Variants in RANBP2 observed in about 807,000 individuals in gnomAD.
RANBP2 encodes the protein RAN binding protein 2.
RANBP2 carries 57 observed loss-of-function variants against 303.6 expected under a neutral mutation model. The observed-to-expected ratio is 0.19, with a 90% confidence interval of 0.15 to 0.23. The LOEUF (loss-of-function observed/expected upper bound fraction) is 0.23. Ranked by LOEUF, RANBP2 falls within the 10% of genes least tolerant of loss-of-function variation. The pLI is 1.00. For synonymous variants in RANBP2, 1,167 were observed against 1,301.5 expected (o/e 0.90, Z 2.23); for missense variants, 3,138 against 3,780.8 (o/e 0.83, Z 4.46).
chr2:109,193,443 C>T, the RANBP2 span, among the ~76,000 whole-genome samples: 3 of 152,162 alleles, frequency 2.0e-5, no homozygotes, highest in South Asian at 4.1e-4. Flanking sequence ...TACTGTCACC[C>T]CAGCTCTGGG....
the RANBP2 span, among the ~76,000 whole-genome samples, chr2:109,653,389 C>T: frequency 5.9e-5 from 7 of 119,296 alleles, no homozygotes; most frequent in Admixed American, 1.7e-4. Context: ...AACTAGATTT[C>T]GTCTCAAAAA....
chr2:109,596,222 G>A, the RANBP2 span, among the ~76,000 whole-genome samples: 1 of 152,054 alleles, frequency 6.6e-6, no homozygotes, highest in Non-Finnish European at 1.5e-5. Flanking sequence ...AAAATTACTG[G>A]TAAAAAAGTG....
chr2:108,828,686 A>G, the RANBP2 span, among the ~76,000 whole-genome samples: 2 of 152,324 alleles, frequency 1.3e-5, no homozygotes, highest in East Asian at 3.9e-4. Flanking sequence ...ACGATATGTA[A>G]AATTTAACTC....
At chr2:109,288,340 C>T in the RANBP2 span, among the ~76,000 whole-genome samples, 5 of 152,168 alleles carry the variant, frequency 3.3e-5, no homozygotes, top group East Asian at 7.7e-4. Flanking sequence ...GCCCATAGTT[C>T]TTAATGTATT....
the RANBP2 span, among the ~76,000 whole-genome samples, chr2:109,716,956 C>T: frequency 5.9e-5 from 9 of 152,228 alleles, no homozygotes; most frequent in Non-Finnish European, 1.2e-4. Context: ...AAGGCAACTT[C>T]TCGCAGGACT....
At chr2:108,951,019 G>A in the RANBP2 span, among the ~76,000 whole-genome samples, 1 of 152,232 alleles carries the variant, frequency 6.6e-6, no homozygotes, top group Non-Finnish European at 1.5e-5. Context: ...GAGCACTGAT[G>A]CTTCTATATT....
the RANBP2 span, among the ~76,000 whole-genome samples, chr2:109,391,005 A>T: frequency 0.026 from 3,913 of 152,306 alleles, 64 homozygotes; most frequent in Non-Finnish European, 0.039. Flanking sequence ...CCAGAGGCGG[A>T]CAAGGTGGAC....
the RANBP2 span, among the ~76,000 whole-genome samples, chr2:109,257,366 G>C: frequency 6.6e-6 from 1 of 151,764 alleles, no homozygotes. Context: ...ATGAAAGAAG[G>C]AGAGGGAGGG....
At chr2:109,436,251 G>A in the RANBP2 span, among the ~76,000 whole-genome samples, 5 of 152,120 alleles carry the variant, frequency 3.3e-5, no homozygotes, top group Non-Finnish European at 5.9e-5. Flanking sequence ...ATTTCACATC[G>A]CTGCCTCCAG....
chr2:109,719,565 C>T, the RANBP2 span, among the ~76,000 whole-genome samples: 4 of 151,822 alleles, frequency 2.6e-5, no homozygotes, highest in African/African-American at 9.7e-5. Context: ...CGCCACTACA[C>T]CCAGCTTATT....
chr2:109,432,347 G>A, the RANBP2 span, among the ~76,000 whole-genome samples: 3 of 152,186 alleles, frequency 2.0e-5, no homozygotes, highest in African/African-American at 7.2e-5. Context: ...TGGGGAGGGT[G>A]TGTGAGGCCT....
At chr2:109,416,904 CAAAAAAAAAAA>C in the RANBP2 span, among the ~76,000 whole-genome samples, 32 of 64,358 alleles carry the variant, frequency 5.0e-4, no homozygotes, top group African/African-American at 1.4e-3. Flanking sequence ...GACTTCATCT[CAAAAAAAAAAA>C]AAAAAAAAAG....
At chr2:109,503,713 C>G in the RANBP2 span, 6 of 152,312 alleles carry the variant, frequency 3.9e-5, no homozygotes, top group African/African-American at 1.4e-4. Context: ...CAAGTCAAGT[C>G]TCCAGGTAAC....
the RANBP2 span, among the ~76,000 whole-genome samples, chr2:109,533,163 G>T: frequency 2.6e-5 from 4 of 152,322 alleles, no homozygotes; most frequent in African/African-American, 7.2e-5. Flanking sequence ...AGGGAGGAAA[G>T]AGGGAGGGAG....
the RANBP2 span, among the ~76,000 whole-genome samples, chr2:108,994,652 T>C: frequency 2.4e-4 from 37 of 152,114 alleles, no homozygotes; most frequent in Admixed American, 2.3e-3. Flanking sequence ...AATAGGCAAG[T>C]ACATATTTCT....
the RANBP2 span, among the ~76,000 whole-genome samples, chr2:109,724,719 T>C: frequency 6.6e-6 from 1 of 152,104 alleles, no homozygotes; most frequent in Non-Finnish European, 1.5e-5. Flanking sequence ...CTCGCCAGCT[T>C]TTGCACCCCT....
At chr2:109,488,124 G>T in the RANBP2 span, among the ~76,000 whole-genome samples, 497 of 152,268 alleles carry the variant, frequency 3.3e-3, 5 homozygotes, top group African/African-American at 0.012. Flanking sequence ...GGCTCCGCCG[G>T]GACACCTGGG....
At chr2:109,490,843 G>C in the RANBP2 span, 3 of 1,536,528 alleles carry the variant, frequency 2.0e-6, no homozygotes, top group Admixed American at 3.9e-5. Flanking sequence ...AGGAAGGCAG[G>C]CTCCTTGGAT....
chr2:109,229,699 A>G, the RANBP2 span, among the ~76,000 whole-genome samples: 3 of 152,188 alleles, frequency 2.0e-5, no homozygotes. Context: ...TGGTGACTAC[A>G]TCTAGGTACC....
Sources: allele counts gnomAD v4.1 joint callset (sites outside exome capture counted in the v4.1 genomes callset), GRCh38; gene constraint gnomAD v4.1.1; transcripts MANE v1.5; gene names NCBI Gene and HGNC (gene_info 2026-07-23, HGNC 2026-07-21).